Variants in ST6GALNAC5 observed in about 807,000 individuals in gnomAD.
ST6GALNAC5 encodes the protein ST6 N-acetylgalactosaminide alpha-2,6-sialyltransferase 5, also known as alpha-N-acetylgalactosaminide alpha-2,6-sialyltransferase 5.
In ST6GALNAC5, 27 loss-of-function variants were observed where a neutral mutation model predicts 33.6. The observed-to-expected ratio is 0.80, with a 90% CI of 0.59 to 1.11. The LOEUF (loss-of-function observed/expected upper bound fraction) is 1.11. Ranked by LOEUF, ST6GALNAC5 falls within the 50% of genes least tolerant of loss-of-function variation. The pLI, the probability that ST6GALNAC5 is intolerant of heterozygous loss-of-function variation, is 0.00. For missense variants in ST6GALNAC5, 428 were observed against 454.0 expected (o/e 0.94, Z 0.52); for synonymous variants, 194 against 171.2 (o/e 1.13, Z -1.04).
intron 2 of ST6GALNAC5, among the ~76,000 whole-genome samples, chr1:76,889,735 T>C (rs1653973993): frequency 6.6e-6 from 1 of 152,152 alleles, no homozygotes; most frequent in African/African-American, 2.4e-5. Context: ...TGGTCTTTCT[T>C]TCAGTTTGCT....
chr1:76,985,795 G>C (rs1035619982), intron 2 of ST6GALNAC5, among the ~76,000 whole-genome samples: 1 of 152,096 alleles, frequency 6.6e-6, no homozygotes, highest in Non-Finnish European at 1.5e-5. Context: ...CATGATACTG[G>C]TACCAAAACA....
chr1:77,048,949 T>C (rs1162302602), intron 3 of ST6GALNAC5, among the ~76,000 whole-genome samples: 1 of 152,166 alleles, frequency 6.6e-6, no homozygotes, highest in East Asian at 1.9e-4. Context: ...TCAGCCCACT[T>C]ATTCCCATCT....
At chr1:77,024,576 G>A (rs764679533) in intron 2 of ST6GALNAC5, among the ~76,000 whole-genome samples, 4 of 152,166 alleles carry the variant, frequency 2.6e-5, no homozygotes, top group Non-Finnish European at 4.4e-5. Context: ...GGGCTGGGGA[G>A]CATCTCACCT....
intron 2 of ST6GALNAC5, among the ~76,000 whole-genome samples, chr1:76,981,045 A>C (rs1206304921): frequency 1.3e-5 from 2 of 152,118 alleles, no homozygotes; most frequent in Non-Finnish European, 2.9e-5. Context: ...AAATAGGAAC[A>C]GCTTCGGTCT....
intron 2 of ST6GALNAC5, among the ~76,000 whole-genome samples, chr1:76,931,302 TG>T (rs1482617731): frequency 6.6e-6 from 1 of 152,130 alleles, no homozygotes; most frequent in Admixed American, 6.6e-5. Flanking sequence ...ATTTCAGCCT[TG>T]TAAGACCCTA....
intron 2 of ST6GALNAC5, chr1:76,995,375 G>A (rs115346923): frequency 6.6e-6 from 1 of 152,238 alleles, no homozygotes; most frequent in East Asian, 1.9e-4. Flanking sequence ...TCCAGTCTGG[G>A]TGACAGAATG....
intron 2 of ST6GALNAC5, among the ~76,000 whole-genome samples, chr1:77,017,727 G>A (rs556376896): frequency 2.7e-4 from 41 of 152,304 alleles, no homozygotes; most frequent in African/African-American, 8.2e-4. Context: ...AAGTTCTTAC[G>A]TAGGATTTTG....
At chr1:77,025,430 G>A (rs1651193803) in intron 2 of ST6GALNAC5, among the ~76,000 whole-genome samples, 1 of 151,278 alleles carries the variant, frequency 6.6e-6, no homozygotes, top group Non-Finnish European at 1.5e-5. Context: ...ATACTCTGGA[G>A]AATCACTTGA....
chr1:76,948,531 A>C (rs976620231), intron 2 of ST6GALNAC5, among the ~76,000 whole-genome samples: 31 of 150,704 alleles, frequency 2.1e-4, no homozygotes, highest in African/African-American at 5.6e-4. Context: ...AATGGAATTC[A>C]TTCTGCACAT....
chr1:76,956,239 T>G (rs1647969216), intron 2 of ST6GALNAC5, among the ~76,000 whole-genome samples: 1 of 147,316 alleles, frequency 6.8e-6, no homozygotes, highest in African/African-American at 2.5e-5. Flanking sequence ...TTAAGACCAA[T>G]AGAGGAAGCC....
chr1:77,047,853 T>C (rs1652068020), intron 3 of ST6GALNAC5, among the ~76,000 whole-genome samples: 1 of 152,222 alleles, frequency 6.6e-6, no homozygotes, highest in African/African-American at 2.4e-5. Context: ...TACTTCATCA[T>C]ATAAAAGAAT....
At chr1:76,937,041 A>G (rs114234662) in intron 2 of ST6GALNAC5, among the ~76,000 whole-genome samples, 3,908 of 151,122 alleles carry the variant, frequency 0.026, 175 homozygotes, top group African/African-American at 0.09. Flanking sequence ...CATTCCTCAG[A>G]GATGCCGTGT....
chr1:76,909,815 T>C (rs1026078818), intron 2 of ST6GALNAC5, among the ~76,000 whole-genome samples: 4 of 152,070 alleles, frequency 2.6e-5, no homozygotes, highest in Admixed American at 2.6e-4. Context: ...AAATGATATA[T>C]ACAGTTGGAG....
At chr1:76,969,276 C>T (rs540767463) in intron 2 of ST6GALNAC5, among the ~76,000 whole-genome samples, 4 of 152,264 alleles carry the variant, frequency 2.6e-5, no homozygotes, top group South Asian at 2.1e-4. Flanking sequence ...CAAGGGAATC[C>T]GTACCTTCGC....
At chr1:76,991,201 CTTTTATTCAGAATAAAA>C (rs941906700) in intron 2 of ST6GALNAC5, among the ~76,000 whole-genome samples, 16 of 152,256 alleles carry the variant, frequency 1.1e-4, no homozygotes, top group Admixed American at 8.5e-4. Context: ...CCACCAATTG[CTTTTATTCAGAATAAAA>C]TTTTATTCAG....
intron 4 of ST6GALNAC5, among the ~76,000 whole-genome samples, chr1:77,058,089 G>C (rs780366312): frequency 6.1e-4 from 93 of 152,318 alleles, no homozygotes; most frequent in Admixed American, 2.2e-3. Context: ...GGAAACCTGG[G>C]TGCCATTAGT....
intron 2 of ST6GALNAC5, among the ~76,000 whole-genome samples, chr1:76,900,029 A>G (rs1488148252): frequency 6.6e-6 from 1 of 152,182 alleles, no homozygotes; most frequent in Non-Finnish European, 1.5e-5. Flanking sequence ...TGAGCAATAC[A>G]GCTGTTTATT....
rs142840735 is a variant in ST6GALNAC5, at chr1:76,965,581, T to A, written c.262-78623T>A. On this transcript the variant is annotated intron_variant, in intron 2 of 4. Coordinates refer to ENST00000477717, the MANE Select transcript of ST6GALNAC5 (RefSeq NM_030965.3). ...TTTCCCATTCACTCTGACAGTAGTT[T>A]CTTTTGCTGTGCAGAAGCTCTTTAG... Among the ~76,000 whole-genome samples, 354 of 152,352 alleles carry A rather than the reference T, an allele frequency of 2.3e-3. 1 individual carries two copies. Among genetic ancestry groups the A allele is most frequent in the African/African-American group, 8.3e-3 (347 of 41,590 alleles).
intron 2 of ST6GALNAC5, chr1:76,869,004 C>A: frequency 2.2e-6 from 1 of 455,424 alleles, no homozygotes; most frequent in Non-Finnish European, 3.7e-6. Flanking sequence ...GGCCCTGGAA[C>A]TAGAACTCCC....
Sources: allele counts gnomAD v4.1 joint callset (sites outside exome capture counted in the v4.1 genomes callset), GRCh38; gene constraint gnomAD v4.1.1; transcripts MANE v1.5; gene names NCBI Gene and HGNC (gene_info 2026-07-23, HGNC 2026-07-21).